IGF2R: variants seen among roughly 807,000 people sequenced by gnomAD.
IGF2R encodes cation-independent mannose-6-phosphate receptor.
A neutral mutation model predicts 270.6 loss-of-function variants in IGF2R; 91 were observed. That is an observed-to-expected ratio of 0.34 (90% CI 0.28 to 0.40). The LOEUF is 0.40. Among genes scored for constraint, IGF2R ranks in the 10% least tolerant of loss-of-function variants. The probability of loss-of-function intolerance (pLI) is 1.00; values close to 1 mark genes in which losing one functional copy is unlikely to be tolerated. For synonymous variants in IGF2R, 1,316 were observed against 1,258.9 expected (o/e 1.05, Z -0.96); for missense variants, 2,805 against 3,188.3 (o/e 0.88, Z 2.90).
chr6:159,986,300 C>T (rs1049788490), intron 1 of IGF2R, among the ~76,000 whole-genome samples: 3 of 150,116 alleles, frequency 2.0e-5, no homozygotes, highest in Non-Finnish European at 4.4e-5. Flanking sequence ...GGTGCGATCT[C>T]GGCTCACTGC....
At chr6:160,001,760 C>T (rs1399375923) in intron 2 of IGF2R, among the ~76,000 whole-genome samples, 2 of 152,326 alleles carry the variant, frequency 1.3e-5, no homozygotes, top group East Asian at 3.9e-4. Flanking sequence ...AACAATATTA[C>T]ATATGTGAAT....
At chr6:160,013,986 TCTTG>T (rs1291773551) in intron 4 of IGF2R, among the ~76,000 whole-genome samples, 3 of 152,230 alleles carry the variant, frequency 2.0e-5, no homozygotes, top group African/African-American at 7.2e-5. Flanking sequence ...GTCATTGTAG[TCTTG>T]CTTTCTACAT....
In IGF2R at chr6:160,110,425, GACA is replaced by G. The variant is rs1457400106; in HGVS notation, c.*5346_*5348del. 1.3e-5 allele frequency: 2 copies of G among 152,250 alleles called. No individual in the cohort carries two copies. The highest frequency in any genetic ancestry group is 2.1e-4 in the South Asian group (1 of 4,832). The allele number at this position is 152,250 out of a possible 1,614,324, so 9.4% of individuals were successfully genotyped here. On this transcript the variant is annotated 3_prime_UTR_variant, in exon 48 of 48. Transcript: ENST00000356956. ...CCAGAATGGCTACTGTCAGACGAAA[GACA>G]ACAAGTGTGGGTGAGGATGTGGAGA...
chr6:160,032,039 G>A (rs536645980), intron 7 of IGF2R, among the ~76,000 whole-genome samples: 1 of 151,398 alleles, frequency 6.6e-6, no homozygotes, highest in South Asian at 2.1e-4. Context: ...TACAGATATG[G>A]TGGTGCCCAG....
At chr6:160,020,586 G>C (rs1457964481) in intron 4 of IGF2R, among the ~76,000 whole-genome samples, 1 of 152,124 alleles carries the variant, frequency 6.6e-6, no homozygotes, top group Non-Finnish European at 1.5e-5. Flanking sequence ...AGTACTGATA[G>C]AAAAATAGAC....
intron 3 of IGF2R, 33 bp downstream of exon 3, chr6:160,009,167 TA>T (rs113773418): frequency 0.045 from 48,084 of 1,060,978 alleles, no homozygotes; most frequent in South Asian, 0.067. Context: ...TGTATTTCTT[TA>T]AAAAAAAAAA....
Position 160,102,380 on chromosome 6 carries a change from GTT to G in IGF2R, c.6843-136_6843-135del. On this transcript the variant is annotated intron_variant, in intron 45 of 47. Coordinates refer to ENST00000356956, the MANE Select transcript of IGF2R (RefSeq NM_000876.4). The surrounding 1 kb of genome is among the most constrained non-coding windows in gnomAD (Gnocchi z 4.5). Reference sequence around the variant, plus strand: ...CATGTGGAGTGGGACTTGTGGCCTTGTTTTCTGGGCAGGAGTAAGAATCACAT... The same window carrying G: ...CATGTGGAGTGGGACTTGTGGCCTTGTTCTGGGCAGGAGTAAGAATCACAT... 1 of 963,590 alleles carries G rather than the reference GTT, an allele frequency of 1.0e-6. No individual in the cohort carries two copies. Among genetic ancestry groups the G allele is most frequent in the Non-Finnish European group, 1.6e-6 (1 of 634,780 alleles). 59.7% of individuals were successfully genotyped at this position (963,590 alleles called of 1,614,324 possible).
intron 1 of IGF2R, among the ~76,000 whole-genome samples, chr6:159,982,119 CTT>C (rs915306864): frequency 6.6e-6 from 1 of 152,190 alleles, no homozygotes; most frequent in African/African-American, 2.4e-5. Flanking sequence ...GATTGTTTCT[CTT>C]TTAGTGTAGG....
At chr6:160,087,317 A>AC (rs1779116103) in intron 41 of IGF2R, among the ~76,000 whole-genome samples, 1 of 152,144 alleles carries the variant, frequency 6.6e-6, no homozygotes, top group African/African-American at 2.4e-5. Flanking sequence ...AGTTTACACA[A>AC]TTGGAGCGAT....
At chr6:159,992,874 C>T (rs1784000507) in intron 2 of IGF2R, among the ~76,000 whole-genome samples, 1 of 152,200 alleles carries the variant, frequency 6.6e-6, no homozygotes, top group Admixed American at 6.5e-5. Flanking sequence ...TACATTCCCA[C>T]CAGTGTATGT....
rs1234390104 is a variant in IGF2R, at chr6:160,048,541, C to A, written c.2512C>A (p.Gln838Lys). 6 of 1,613,078 alleles carry A rather than the reference C, an allele frequency of 3.7e-6. No homozygotes were observed. The African/African-American group carries it at 4.0e-5, about 11-fold the overall frequency. ...TTGCCAGATGAAGTATGAAAAAGAT[C>A]AGGTGAATCTGTTTTCACTGCTTGT... ...SACQMKYEKD[Q>K]GSFTEVVSIS... The change falls in exon 18 of 48, where the codon CAG (glutamine) becomes AAG (lysine). Residue 838 changes from glutamine (Q) to lysine (K), a missense_variant and splice_region_variant. Transcript: ENST00000356956.
Position 160,101,857 on chromosome 6 carries a change from A to G in IGF2R, c.6843-662A>G, listed in dbSNP as rs369771999. On this transcript the variant is annotated intron_variant, in intron 45 of 47. Coordinates refer to ENST00000356956, the MANE Select transcript of IGF2R (RefSeq NM_000876.4). ...ATGGAAACGCACTGCTTTTTCCCACAAGTGTGCATGTGGGTCTTGGGTGGG... is the reference window on the plus strand; with the variant it reads ...ATGGAAACGCACTGCTTTTTCCCACGAGTGTGCATGTGGGTCTTGGGTGGG... Among the ~76,000 whole-genome samples the G allele has an allele frequency of 1.2e-4, 18 of 152,272 alleles. No homozygotes were observed. In the East Asian group the frequency reaches 3.3e-3, roughly 28 times the overall value.
intron 34 of IGF2R, 96 bp from the exon 35 acceptor site, chr6:160,073,661 T>C: frequency 8.4e-7 from 1 of 1,195,444 alleles, no homozygotes; most frequent in Non-Finnish European, 1.2e-6. Flanking sequence ...CTACTTTTTT[T>C]GTTGTTGTTA....
intron 36 of IGF2R, among the ~76,000 whole-genome samples, chr6:160,076,251 A>T (rs1261311870): frequency 6.6e-6 from 1 of 152,234 alleles, no homozygotes; most frequent in East Asian, 1.9e-4. Flanking sequence ...AATGACATTC[A>T]GCTTTGACTG....
chr6:160,042,990 T>G (rs1048359366), intron 11 of IGF2R, among the ~76,000 whole-genome samples, 158 bp from the exon 12 acceptor site: 1 of 152,172 alleles, frequency 6.6e-6, no homozygotes, highest in African/African-American at 2.4e-5. Context: ...ATTTTTGTGC[T>G]TTCAGTCTGC....
chr6:159,996,174 A>G (rs891901164), intron 2 of IGF2R, among the ~76,000 whole-genome samples: 1 of 152,082 alleles, frequency 6.6e-6, no homozygotes. Flanking sequence ...TGTGAGCAGG[A>G]TCCTCACCGT....
At chr6:159,986,119 G>A (rs951225906) in intron 1 of IGF2R, among the ~76,000 whole-genome samples, 2 of 152,026 alleles carry the variant, frequency 1.3e-5, no homozygotes, top group East Asian at 1.9e-4. Flanking sequence ...CCTGTGTCCC[G>A]CTGGTTTCCT....
intron 39 of IGF2R, among the ~76,000 whole-genome samples, chr6:160,083,278 C>T (rs1032746908): frequency 3.9e-5 from 6 of 152,302 alleles, no homozygotes; most frequent in East Asian, 1.9e-4. Flanking sequence ...AACATCTCAG[C>T]GGAGTAAAGA....
chr6:159,981,387 A>G (rs909789570), intron 1 of IGF2R, among the ~76,000 whole-genome samples: 6 of 151,972 alleles, frequency 3.9e-5, no homozygotes, highest in African/African-American at 1.4e-4. Flanking sequence ...CTCTGTCTTC[A>G]TCAGCTCCTA....
Sources: gnomAD v4.1 joint callset for allele counts (sites outside exome capture counted in the v4.1 genomes callset) on GRCh38, gnomAD v4.1.1 for gene constraint, Gnocchi (gnomAD v3.1) non-coding constraint, MANE v1.5 for transcripts, NCBI Gene and HGNC (gene_info 2026-07-23, HGNC 2026-07-21) for gene names.